The following NPR3 variants were observed in gnomAD, a reference collection of about 807,000 sequenced individuals.
NPR3 encodes the protein natriuretic peptide receptor 3.
Under a neutral mutation model 54.5 loss-of-function variants are expected in NPR3, and 34 were observed. The ratio of observed to expected loss-of-function variants is 0.62; its 90% CI spans 0.47 to 0.83. NPR3 has a LOEUF of 0.83. Ranked by LOEUF, NPR3 falls within the 40% of genes least tolerant of loss-of-function variation. The pLI is 0.00. For missense variants in NPR3, 674 were observed against 720.8 expected, an observed-to-expected ratio of 0.94 and a Z score of 0.74; for synonymous variants, 289 against 297.1, an observed-to-expected ratio of 0.97 and a Z score of 0.28.
At chr5:32,710,593 G>C, upstream of NPR3, 1 of 1,395,418 alleles carries the variant, frequency 7.2e-7, no homozygotes, top group South Asian at 1.7e-5. Flanking sequence ...CAGGGGGAGG[G>C]GGCTGGCGCG....
chr5:32,703,282 C>T (rs1737877773), intron 1 of NPR3, among the ~76,000 whole-genome samples: 1 of 152,086 alleles, frequency 6.6e-6, no homozygotes, highest in African/African-American at 2.4e-5. Context: ...CTTGGGGTCT[C>T]CATTTCCAAG....
At chr5:32,728,560 C>G (rs1739253229) in intron 2 of NPR3, among the ~76,000 whole-genome samples, 1 of 151,132 alleles carries the variant, frequency 6.6e-6, no homozygotes, top group Non-Finnish European at 1.5e-5. Flanking sequence ...GAGATACTTT[C>G]CATTGTTTTC....
At chr5:32,730,708 A>G (rs574885245) in intron 2 of NPR3, among the ~76,000 whole-genome samples, 2 of 152,348 alleles carry the variant, frequency 1.3e-5, no homozygotes, top group South Asian at 4.1e-4. Flanking sequence ...AATCAACAAT[A>G]TAATATCATT....
rs573545456 is a variant in NPR3 at position 32,788,529 on chromosome 5, T to G, written c.*2184T>G. The G allele has an allele frequency of 1.3e-5, 2 of 152,356 alleles. No homozygotes were observed. Among genetic ancestry groups the G allele is most frequent in the South Asian group, 4.1e-4 (2 of 4,826 alleles). 9.4% of individuals were successfully genotyped at this position (152,356 alleles called of 1,614,324 possible). ...CTTATCTTGTGCTTGTAAAAAGCAT[T>G]TACATTTCAAGTCTATGTGCTTATT... On this transcript the variant is annotated 3_prime_UTR_variant, in exon 8 of 8. Transcript: ENST00000265074.
chr5:32,765,552 C>A (rs1363933518), intron 3 of NPR3, among the ~76,000 whole-genome samples: 2 of 152,150 alleles, frequency 1.3e-5, no homozygotes, highest in Non-Finnish European at 2.9e-5. Context: ...GGCTAGGTCC[C>A]AGTGTAACAA....
At chr5:32,761,164 T>C (rs756916781) in intron 3 of NPR3, among the ~76,000 whole-genome samples, 18 of 152,208 alleles carry the variant, frequency 1.2e-4, no homozygotes, top group Admixed American at 1.3e-4. Flanking sequence ...CCTTTTTATA[T>C]ATAAATCAAC....
chr5:32,731,346 C>T (rs1739438070), intron 2 of NPR3, among the ~76,000 whole-genome samples: 1 of 152,134 alleles, frequency 6.6e-6, no homozygotes. Context: ...TGGTGTTTTT[C>T]TGCCTGAGAG....
intron 2 of NPR3, among the ~76,000 whole-genome samples, chr5:32,726,686 C>A (rs1028261004): frequency 6.6e-6 from 1 of 152,126 alleles, no homozygotes; most frequent in African/African-American, 2.4e-5. Context: ...TCCTCTTATC[C>A]ACAGATAAAG....
intron 4 of NPR3, among the ~76,000 whole-genome samples, chr5:32,776,983 G>C (rs1742085186): frequency 6.6e-6 from 1 of 152,170 alleles, no homozygotes; most frequent in Non-Finnish European, 1.5e-5. Flanking sequence ...ACTCCAGAGG[G>C]AATGGCAAAC....
At chr5:32,782,460 G>A (rs961607766) in intron 5 of NPR3, among the ~76,000 whole-genome samples, 5 of 152,068 alleles carry the variant, frequency 3.3e-5, no homozygotes, top group Admixed American at 1.3e-4. Flanking sequence ...AGCAAAAGCC[G>A]GGAATTCCGA....
At chr5:32,759,582 T>C (rs969040366) in intron 3 of NPR3, among the ~76,000 whole-genome samples, 2 of 152,356 alleles carry the variant, frequency 1.3e-5, no homozygotes, top group South Asian at 4.1e-4. Context: ...TGTCTTTTAA[T>C]TGGAGTATTC....
chr5:32,705,852 T>A (rs74818479), upstream of NPR3, among the ~76,000 whole-genome samples: 704 of 152,342 alleles, frequency 4.6e-3, 2 homozygotes, highest in Non-Finnish European at 7.3e-3. Flanking sequence ...ATGGAAAAAT[T>A]AAAGTTCAGC....
chr5:32,770,795 G>A (rs1292137514), intron 3 of NPR3, among the ~76,000 whole-genome samples: 2 of 152,208 alleles, frequency 1.3e-5, no homozygotes, highest in Non-Finnish European at 2.9e-5. Flanking sequence ...AAGACTTATG[G>A]CTGATGATAG....
chr5:32,720,707 A>G (rs1473142995), intron 1 of NPR3, among the ~76,000 whole-genome samples: 1 of 152,196 alleles, frequency 6.6e-6, no homozygotes, highest in African/African-American at 2.4e-5. Flanking sequence ...CTATACTGAG[A>G]TACAACAAAA....
intron 3 of NPR3, among the ~76,000 whole-genome samples, chr5:32,740,738 G>C (rs1739994954): frequency 6.6e-6 from 1 of 152,018 alleles, no homozygotes; most frequent in Non-Finnish European, 1.5e-5. Context: ...CTATGTCTTG[G>C]AAATCCAGTG....
chr5:32,731,684 A>C (rs1739455637), intron 2 of NPR3, among the ~76,000 whole-genome samples: 1 of 152,206 alleles, frequency 6.6e-6, no homozygotes, highest in South Asian at 2.1e-4. Context: ...AGGTTTATAG[A>C]TAGATTTAAG....
At chr5:32,703,879 T>C (rs994997631) in intron 1 of NPR3, among the ~76,000 whole-genome samples, 5 of 152,208 alleles carry the variant, frequency 3.3e-5, no homozygotes, top group African/African-American at 1.2e-4. Context: ...CACTAGGTCA[T>C]GTGTCCCCCA....
intron 2 of NPR3, among the ~76,000 whole-genome samples, chr5:32,728,010 G>C (rs1408232506): frequency 6.6e-6 from 1 of 152,126 alleles, no homozygotes; most frequent in Non-Finnish European, 1.5e-5. Flanking sequence ...AAATGCATTT[G>C]ACCTGTTCTC....
chr5:32,777,204 A>G (rs950422537), intron 4 of NPR3, among the ~76,000 whole-genome samples: 1 of 152,218 alleles, frequency 6.6e-6, no homozygotes. Flanking sequence ...TTTGAGTGAC[A>G]TGATCTGCCT....
Sources: allele counts gnomAD v4.1 joint callset (sites outside exome capture counted in the v4.1 genomes callset), GRCh38; gene constraint gnomAD v4.1.1; transcripts MANE v1.5; gene names NCBI Gene and HGNC (gene_info 2026-07-23, HGNC 2026-07-21).